The following HYAL1 variants were observed in gnomAD, a reference collection of about 807,000 sequenced individuals.
HYAL1 encodes hyaluronidase-1.
HYAL1 carries 21 observed loss-of-function variants against 28.8 expected under a neutral mutation model. The observed-to-expected ratio is 0.73, with a 90% confidence interval of 0.52 to 1.05. The LOEUF (loss-of-function observed/expected upper bound fraction) is 1.05. Among genes scored for constraint, HYAL1 ranks in the 50% least tolerant of loss-of-function variants. The pLI, the probability that HYAL1 is intolerant of heterozygous loss-of-function variation, is 0.00. For synonymous variants in HYAL1, 200 were observed against 230.1 expected (o/e 0.87, Z 1.18); for missense variants, 491 against 579.2 (o/e 0.85, Z 1.56).
chr3:50,302,850 C>T lies in HYAL1; in HGVS notation c.107G>A (p.Trp36Ter), dbSNP rs1482804957. ...LLPNRPFTTV[W>*]NANTQWCLER... ...CAGGCACCACTGGGTGTTTGCATTCCAGACGGTGGTGAAGGGCCGGTTGGG... is the reference window on the plus strand; with the variant it reads ...CAGGCACCACTGGGTGTTTGCATTCTAGACGGTGGTGAAGGGCCGGTTGGG... Residue 36 changes from tryptophan to a stop codon, truncating the protein, a stop_gained, in exon 2 of 4, where the codon TGG becomes TAG. Coordinates refer to ENST00000395144, the MANE Select transcript of HYAL1 (RefSeq NM_033159.4). LOFTEE classifies it high-confidence loss of function. The surrounding 1 kb of genome is among the most constrained non-coding windows in gnomAD (Gnocchi z 5.0). The T allele has an allele frequency of 6.2e-7, 1 of 1,613,900 alleles. No homozygotes were observed. The highest frequency in any genetic ancestry group is 1.3e-5 in the African/African-American group (1 of 74,950).
chr3:50,311,043 CCCCACCTTT>C (rs1338012874), intron 1 of HYAL1, among the ~76,000 whole-genome samples: 1 of 152,300 alleles, frequency 6.6e-6, no homozygotes, highest in East Asian at 1.9e-4. Flanking sequence ...TCAATCTTTT[CCCCACCTTT>C]CCCACCTTTC....
chr3:50,312,015 G>A (rs1158187418), intron 1 of HYAL1, among the ~76,000 whole-genome samples: 7 of 141,892 alleles, frequency 4.9e-5, no homozygotes, highest in South Asian at 2.2e-4. Flanking sequence ...TGGCCGGGTG[G>A]GAGGCTGTCC....
chr3:50,302,840 G>A lies in HYAL1; in HGVS notation c.117C>T (p.Asn39=). ...NRPFTTVWNA[N]TQWCLERHGV... is the part of the protein sequence containing the mutation. ...CGTGCCTCTCCAGGCACCACTGGGT[G>A]TTTGCATTCCAGACGGTGGTGAAGG... Residue 39 remains asparagine, a synonymous_variant, in exon 2 of 4, where the codon AAC becomes AAT. Transcript: ENST00000395144. This position sits in a 1 kb window ranked among gnomAD's most constrained non-coding sequence, Gnocchi z 5.0. 2 of 1,614,094 alleles carry A rather than the reference G, an allele frequency of 1.2e-6. No homozygotes were observed. The highest frequency in any genetic ancestry group is 2.2e-5 in the East Asian group (1 of 44,884).
intron 2 of HYAL1, among the ~76,000 whole-genome samples, chr3:50,309,461 C>CAA (rs59958240): frequency 0.079 from 4,827 of 60,842 alleles, 883 homozygotes; most frequent in East Asian, 0.64. Flanking sequence ...CAGACTCCAC[C>CAA]AAAAAAAAAA....
At chr3:50,304,606 C>T (rs1023053015), upstream of HYAL1, among the ~76,000 whole-genome samples, 13 of 151,576 alleles carry the variant, frequency 8.6e-5, no homozygotes, top group African/African-American at 3.2e-4. Flanking sequence ...ATTAAAAAAA[C>T]ATTTTGTGGG....
At chr3:50,303,970 T>C (rs587594354), upstream of HYAL1, 1 of 152,148 alleles carries the variant, frequency 6.6e-6, no homozygotes, top group South Asian at 2.1e-4. Context: ...AAAAATATTT[T>C]AAAATATGGC....
At position 50,301,056 on chromosome 3, in the gene HYAL1, C is replaced by G. The variant is rs782621549; in HGVS notation, c.922G>C (p.Gly308Arg). ...GCTGCCCCCTGGGCCGCACTCTCCCCCAGGCTGTGCTCCAGCTCATCCTGG... is the reference window on the plus strand; with the variant it reads ...GCTGCCCCCTGGGCCGCACTCTCCCGCAGGCTGTGCTCCAGCTCATCCTGG... ...LPLDELEHSL[G>R]ESAAQGAAGV... Residue 308 changes from glycine to arginine, a missense_variant, in exon 3 of 4, where the codon GGG becomes CGG. Transcript: ENST00000395144. The G allele has an allele frequency of 1.9e-6, 3 of 1,613,260 alleles. No homozygotes were observed. Among genetic ancestry groups the G allele is most frequent in the Non-Finnish European group, 2.5e-6 (3 of 1,179,538 alleles).
intron 1 of HYAL1, 167 bp from the exon 2 acceptor site, chr3:50,303,147 C>G: frequency 1.7e-6 from 1 of 577,286 alleles, no homozygotes; most frequent in Non-Finnish European, 3.0e-6. Context: ...TGGAGGGGAG[C>G]ATGGCCACTG....
chr3:50,301,643 G>GAAAAAAAA (rs1553712923), intron 2 of HYAL1, among the ~76,000 whole-genome samples: 1 of 137,540 alleles, frequency 7.3e-6, no homozygotes, highest in African/African-American at 2.8e-5. Flanking sequence ...AAGGATGAAT[G>GAAAAAAAA]AATGGATGAA....
intron 1 of HYAL1, among the ~76,000 whole-genome samples, chr3:50,311,899 T>A (rs1451004896): frequency 1.8e-4 from 8 of 43,594 alleles, no homozygotes; most frequent in South Asian, 6.4e-4. Flanking sequence ...GGGGGGCTGA[T>A]CCCCCCTCCC....
rs116482870 is a variant in HYAL1, at chr3:50,302,191, C to T, written c.766G>A (p.Gly256Arg). The part of the protein sequence containing the change: ...IYMPAVLEGT[G>R]KSQMYVQHRV... ...TGTTGCACATACATCTGTGACTTCC[C>T]TGTGCCCTCCAGCACTGCGGGCATG... The change falls in exon 2 of 4, where the codon GGG (glycine) becomes AGG (arginine). Residue 256 changes from glycine to arginine, a missense_variant. By Grantham distance (125) the Gly-to-Arg change is moderately radical (BLOSUM62 -2). Transcript: ENST00000395144. The surrounding 1 kb of genome is among the most constrained non-coding windows in gnomAD (Gnocchi z 5.0). 95,802 of 1,614,164 alleles carry T rather than the reference C, an allele frequency of 0.059. 3,313 individuals are homozygous for T. The highest frequency in any genetic ancestry group is 0.077 in the South Asian group (7,034 of 91,086).
chr3:50,311,013 C>T (rs1702435425), intron 1 of HYAL1, among the ~76,000 whole-genome samples: 1 of 152,206 alleles, frequency 6.6e-6, no homozygotes, highest in Admixed American at 6.5e-5. Flanking sequence ...TCTACACAGA[C>T]ATGGCAACCA....
chr3:50,304,297 ATATATATATATATATATATATATAT>A (rs1180420231), upstream of HYAL1, among the ~76,000 whole-genome samples: 4 of 14,784 alleles, frequency 2.7e-4, 1 homozygote, highest in African/African-American at 6.0e-4. Context: ...AAAAAAAAAA[ATATATATATATATATATATATATAT>A]ATATATATAT....
upstream of HYAL1, among the ~76,000 whole-genome samples, chr3:50,307,189 AC>A (rs1276677539): frequency 2.0e-5 from 3 of 150,228 alleles, no homozygotes; most frequent in African/African-American, 7.5e-5. Flanking sequence ...ACATGGCGAA[AC>A]CCTGTTTCTA....
chr3:50,308,369 C>T (rs1031579546), upstream of HYAL1, among the ~76,000 whole-genome samples: 8 of 151,322 alleles, frequency 5.3e-5, no homozygotes, highest in African/African-American at 9.8e-5. Flanking sequence ...TCAGGTGATC[C>T]GCCTGCCTTG....
chr3:50,311,508 A>T (rs1702453900), intron 1 of HYAL1, among the ~76,000 whole-genome samples: 1 of 105,408 alleles, frequency 9.5e-6, no homozygotes, highest in South Asian at 3.1e-4. Flanking sequence ...CTCACTTCCC[A>T]GTAGGGGCGG....
At chr3:50,310,432 T>G (rs1474480688) in intron 1 of HYAL1, among the ~76,000 whole-genome samples, 1 of 150,086 alleles carries the variant, frequency 6.7e-6, no homozygotes, top group East Asian at 1.9e-4. Flanking sequence ...CCCGGCTATT[T>G]TTTTTTTGTA....
In HYAL1 at chr3:50,301,063, G is replaced by A. The variant is rs1290078379; in HGVS notation, c.915C>T (p.His305=). The change falls in exon 3 of 4, where the codon CAC becomes CAT. Residue 305 remains histidine, a synonymous_variant. Transcript: ENST00000395144. ...CCTGGGCCGCACTCTCCCCCAGGCTGTGCTCCAGCTCATCCTGGGAAGGAG... is the reference window on the plus strand; with the variant it reads ...CCTGGGCCGCACTCTCCCCCAGGCTATGCTCCAGCTCATCCTGGGAAGGAG... ...NHFLPLDELE[H]SLGESAAQGA... The A allele has an allele frequency of 6.8e-5, 110 of 1,611,672 alleles. No individual in the cohort carries two copies. The highest frequency in any genetic ancestry group is 8.7e-5 in the Non-Finnish European group (102 of 1,178,702).
upstream of HYAL1, among the ~76,000 whole-genome samples, chr3:50,304,861 G>C (rs1227583883): frequency 1.3e-5 from 2 of 152,138 alleles, no homozygotes; most frequent in Non-Finnish European, 2.9e-5. Flanking sequence ...CCTGGGACTG[G>C]GTGTGTGTGA....
Sources: gnomAD v4.1 joint callset for allele counts (sites outside exome capture counted in the v4.1 genomes callset) on GRCh38, gnomAD v4.1.1 for gene constraint, Gnocchi (gnomAD v3.1) non-coding constraint, MANE v1.5 for transcripts, NCBI Gene and HGNC (gene_info 2026-07-23, HGNC 2026-07-21) for gene names.